TMC1: variants seen among roughly 807,000 people sequenced by gnomAD.
The protein encoded by TMC1 is transmembrane channel-like protein 1.
A neutral mutation model predicts 105.8 loss-of-function variants in TMC1; 84 were observed. That is an observed-to-expected ratio of 0.79 (90% confidence interval 0.67 to 0.95). TMC1 has a LOEUF of 0.95. TMC1 is among the 40% of genes least tolerant of loss of function. The pLI is 0.00. For missense variants in TMC1, 817 were observed against 914.1 expected (o/e 0.89, Z 1.37); for synonymous variants, 315 against 311.5 (o/e 1.01, Z -0.12).
intron 8 of TMC1, among the ~76,000 whole-genome samples, chr9:72,708,562 T>TCAG (rs1826784054): frequency 6.6e-6 from 1 of 152,140 alleles, no homozygotes; most frequent in African/African-American, 2.4e-5. Context: ...GATTTGATTC[T>TCAG]CAGCTTGGTC....
At chr9:72,764,922 A>C (rs1026795469) in intron 12 of TMC1, among the ~76,000 whole-genome samples, 5 of 152,200 alleles carry the variant, frequency 3.3e-5, no homozygotes, top group Non-Finnish European at 7.3e-5. Context: ...TGTCTTAGGC[A>C]CTTGGGAACA....
At chr9:72,797,173 C>A (rs957182862) in intron 17 of TMC1, among the ~76,000 whole-genome samples, 7 of 152,026 alleles carry the variant, frequency 4.6e-5, no homozygotes, top group African/African-American at 1.5e-4. Context: ...AAGTGAAGGA[C>A]CTCTTCATGG....
intron 4 of TMC1, among the ~76,000 whole-genome samples, chr9:72,635,910 C>T (rs2132139107): frequency 6.6e-6 from 1 of 152,222 alleles, no homozygotes; most frequent in South Asian, 2.1e-4. Context: ...ATGGCTTATC[C>T]TTTCTATGGC....
chr9:72,781,376 A>G (rs111581067), intron 13 of TMC1, among the ~76,000 whole-genome samples: 3 of 152,296 alleles, frequency 2.0e-5, no homozygotes, highest in African/African-American at 4.8e-5. Context: ...AAAGATCTCA[A>G]ATTAACAACT....
intron 9 of TMC1, 33 bp from the exon 10 acceptor site, chr9:72,742,411 G>A: frequency 6.4e-7 from 1 of 1,553,784 alleles, no homozygotes; most frequent in East Asian, 2.2e-5. Context: ...TCAAGAGGTT[G>A]GACTTTACTT....
At chr9:72,694,170 T>C (rs1374595870) in intron 6 of TMC1, among the ~76,000 whole-genome samples, 3 of 152,136 alleles carry the variant, frequency 2.0e-5, no homozygotes. Flanking sequence ...TCAACAATTA[T>C]GTAATGGAAT....
chr9:72,732,690 A>G (rs1052557203), intron 8 of TMC1, among the ~76,000 whole-genome samples: 1 of 152,162 alleles, frequency 6.6e-6, no homozygotes, highest in African/African-American at 2.4e-5. Flanking sequence ...TTCCAATTCC[A>G]TGAGGTAACA....
intron 2 of TMC1, among the ~76,000 whole-genome samples, chr9:72,600,168 T>C (rs1824784181): frequency 6.6e-6 from 1 of 152,230 alleles, no homozygotes; most frequent in Non-Finnish European, 1.5e-5. Context: ...AAAATCTCTA[T>C]GGCAGCAATG....
At chr9:72,714,602 G>C (rs942935495) in intron 8 of TMC1, among the ~76,000 whole-genome samples, 2 of 150,700 alleles carry the variant, frequency 1.3e-5, no homozygotes, top group African/African-American at 4.9e-5. Flanking sequence ...GCTTTTTTTT[G>C]CTGTCCATTT....
At chr9:72,763,305 G>A (rs1277918010) in intron 12 of TMC1, among the ~76,000 whole-genome samples, 1 of 152,054 alleles carries the variant, frequency 6.6e-6, no homozygotes, top group South Asian at 2.1e-4. Flanking sequence ...CATTTGTTGG[G>A]CATTTGCCAG....
intron 4 of TMC1, among the ~76,000 whole-genome samples, chr9:72,648,297 AT>A (rs1328714287): frequency 1.3e-5 from 2 of 152,214 alleles, no homozygotes; most frequent in African/African-American, 4.8e-5. Flanking sequence ...AATGGAAGGC[AT>A]TAAAAATGAG....
intron 1 of TMC1, among the ~76,000 whole-genome samples, chr9:72,555,693 T>A (rs371482361): frequency 6.6e-6 from 1 of 151,842 alleles, no homozygotes; most frequent in Non-Finnish European, 1.5e-5. Flanking sequence ...CAATCTTGGC[T>A]CACTGCAACC....
At chr9:72,558,912 C>T (rs922498487) in intron 1 of TMC1, among the ~76,000 whole-genome samples, 1 of 149,556 alleles carries the variant, frequency 6.7e-6, no homozygotes, top group Non-Finnish European at 1.5e-5. Flanking sequence ...CCTTTTTCAA[C>T]CATTTTTTTT....
chr9:72,677,055 G>C (rs1826213945), intron 5 of TMC1, among the ~76,000 whole-genome samples: 1 of 151,474 alleles, frequency 6.6e-6, no homozygotes, highest in African/African-American at 2.4e-5. Flanking sequence ...TATTGTACTT[G>C]ACTGCTTTCA....
At chr9:72,700,765 C>T (rs76064795) in intron 8 of TMC1, 122 bp downstream of exon 8, 16 of 171,522 alleles carry the variant, frequency 9.3e-5, no homozygotes, top group South Asian at 2.9e-4. Flanking sequence ...CACACATACA[C>T]ACACACACAC....
chr9:72,830,738 C>CTTTTTT (rs71495342), intron 23 of TMC1, 56 bp downstream of exon 23: 9 of 1,148,130 alleles, frequency 7.8e-6, no homozygotes, highest in African/African-American at 5.3e-5. Flanking sequence ...CTTTTTCTTT[C>CTTTTTT]TTTTTTTTTT....
intron 12 of TMC1, among the ~76,000 whole-genome samples, chr9:72,770,212 A>G (rs1030362382): frequency 4.6e-5 from 7 of 151,640 alleles, no homozygotes; most frequent in African/African-American, 1.7e-4. Context: ...GTTCTGTTGG[A>G]TGGCATCCTA....
At chr9:72,807,157 T>G (rs978051845) in intron 18 of TMC1, among the ~76,000 whole-genome samples, 1 of 152,068 alleles carries the variant, frequency 6.6e-6, no homozygotes, top group Non-Finnish European at 1.5e-5. Context: ...GCATGCTCAG[T>G]CAGGAGAATC....
chr9:72,533,228 C>A (rs868560832), intron 1 of TMC1, among the ~76,000 whole-genome samples: 1 of 152,140 alleles, frequency 6.6e-6, no homozygotes, highest in Non-Finnish European at 1.5e-5. Flanking sequence ...ATCCAGAGAA[C>A]CCTCACACCT....
Sources: allele counts gnomAD v4.1 joint callset (sites outside exome capture counted in the v4.1 genomes callset), GRCh38; gene constraint gnomAD v4.1.1; transcripts MANE v1.5; gene names NCBI Gene and HGNC (gene_info 2026-07-23, HGNC 2026-07-21).